The following ABCA9 variants were observed in gnomAD, a reference collection of about 807,000 sequenced individuals.
The protein encoded by ABCA9 is ATP-binding cassette sub-family A member 9.
In ABCA9, 183 loss-of-function variants were observed where a neutral mutation model predicts 205.3. The ratio of observed to expected loss-of-function variants is 0.89; its 90% CI spans 0.79 to 1.01. The LOEUF (loss-of-function observed/expected upper bound fraction) is 1.01. ABCA9 is among the 50% of genes least tolerant of loss of function. ABCA9 has a pLI of 0.00. For missense variants in ABCA9, 1,805 were observed against 1,912.4 expected, an observed-to-expected ratio of 0.94 and a Z score of 1.05; for synonymous variants, 651 against 683.3, an observed-to-expected ratio of 0.95 and a Z score of 0.74.
At chr17:69,044,876 G>A (rs1053976518) in intron 4 of ABCA9, among the ~76,000 whole-genome samples, 2 of 152,170 alleles carry the variant, frequency 1.3e-5, no homozygotes, top group East Asian at 1.9e-4. Context: ...TGTTGCTTAC[G>A]TCAAGAAAGC....
the ABCA9 span, chr17:69,078,860 C>T: frequency 4.9e-6 from 3 of 614,932 alleles, no homozygotes; most frequent in Non-Finnish European, 7.7e-6. Flanking sequence ...ACTAAATTTA[C>T]AAAATATACC....
intron 23 of ABCA9, 65 bp from the exon 24 acceptor site, chr17:69,008,300 A>T (rs2070234418): frequency 4.1e-6 from 6 of 1,449,974 alleles, no homozygotes. Context: ...AATTGCAAAT[A>T]TACAGTCATG....
At chr17:69,017,992 CATTTCATTATA>C in intron 20 of ABCA9, 1 of 507,680 alleles carries the variant, frequency 2.0e-6, no homozygotes, top group Non-Finnish European at 3.4e-6. Flanking sequence ...AGAGCCTAGG[CATTTCATTATA>C]ATTTCTATTA....
chr17:69,046,383 C>T (rs1466762938), intron 3 of ABCA9, among the ~76,000 whole-genome samples: 3 of 152,166 alleles, frequency 2.0e-5, no homozygotes, highest in Non-Finnish European at 2.9e-5. Flanking sequence ...CTTAACCAGA[C>T]TCAGGTCTAA....
intron 32 of ABCA9, 102 bp downstream of exon 32, chr17:68,986,062 G>C: frequency 4.9e-6 from 6 of 1,223,126 alleles, no homozygotes; most frequent in Non-Finnish European, 6.7e-6. Flanking sequence ...TCTCCCACAA[G>C]CATGGGGTCA....
intron 3 of ABCA9, among the ~76,000 whole-genome samples, chr17:69,046,891 A>C (rs977440603): frequency 1.9e-5 from 2 of 106,270 alleles, no homozygotes; most frequent in African/African-American, 1.1e-4. Flanking sequence ...ATATATATAT[A>C]TATATATATA....
intron 6 of ABCA9, chr17:69,042,225 C>T (rs982456622): frequency 6.6e-6 from 1 of 152,208 alleles, no homozygotes; most frequent in African/African-American, 2.4e-5. Context: ...CATCAACTGA[C>T]ACTTAATATT....
the ABCA9 span, among the ~76,000 whole-genome samples, chr17:69,068,211 A>G: frequency 6.6e-6 from 1 of 152,216 alleles, no homozygotes; most frequent in Non-Finnish European, 1.5e-5. Context: ...ATTGTTTCCA[A>G]TATACAATCA....
At chr17:69,058,868 G>A (rs1232619383) in intron 1 of ABCA9, among the ~76,000 whole-genome samples, 1 of 151,858 alleles carries the variant, frequency 6.6e-6, no homozygotes, top group African/African-American at 2.4e-5. Context: ...CTGAGACTGA[G>A]TAATTCATAA....
At chr17:69,000,445 G>C (rs902410194) in intron 25 of ABCA9, among the ~76,000 whole-genome samples, 19 of 152,104 alleles carry the variant, frequency 1.2e-4, no homozygotes, top group African/African-American at 4.6e-4. Flanking sequence ...ATAGATAAGC[G>C]GCGTTATTTC....
chr17:69,035,784 A>G lies in ABCA9; in HGVS notation c.818T>C (p.Met273Thr), dbSNP rs368599340. 8.2e-5 allele frequency: 133 copies of G among 1,612,584 alleles called. 1 individual carries two copies. The highest frequency in any genetic ancestry group is 4.7e-4 in the South Asian group (43 of 90,894). ...CATGATAAGGATGAAGCCAGCATAC[A>G]TCAAACCCCAGGAAAGCCTAGCAGA... Reference protein sequence around the residue: ...ESAFWLSWGLMYAGFILIMAT... With the variant: ...ESAFWLSWGLTYAGFILIMAT... The change falls in exon 7 of 39, where the codon ATG becomes ACG. Residue 273 changes from methionine to threonine, a missense_variant. Met to Thr is a moderately conservative substitution (Grantham distance 81). Transcript: ENST00000340001.
rs1414973140 is a variant in ABCA9, at chr17:69,002,373, T to G, written c.3435+5386A>C. ...CTTTATTTCTGCCTTCATTTCGTTA[T>G]GTACCCAGTAGTCATTCAGGAGCAG... On this transcript the variant is annotated intron_variant, in intron 25 of 38. Coordinates refer to ENST00000340001, the MANE Select transcript of ABCA9 (RefSeq NM_080283.4). 9.5e-4 allele frequency among the ~76,000 whole-genome samples: 116 copies of G among 122,430 alleles called. 1 individual carries two copies. The highest frequency in any genetic ancestry group is 1.3e-4 in the Non-Finnish European group (8 of 59,440). The allele number at this position is 122,430 out of a possible 152,430, so 80.3% of individuals were successfully genotyped here. A position where few individuals can be genotyped will look rare whatever the true frequency, so the allele number is the denominator to read the frequency against.
At chr17:69,014,473 AC>A (rs1429606242) in intron 22 of ABCA9, among the ~76,000 whole-genome samples, 1 of 152,162 alleles carries the variant, frequency 6.6e-6, no homozygotes, top group African/African-American at 2.4e-5. Flanking sequence ...CTGGTCCCAA[AC>A]GTTTCAGATA....
At chr17:69,016,411 A>G (rs774486456) in intron 21 of ABCA9, 21 bp from the exon 22 acceptor site, 2 of 1,555,126 alleles carry the variant, frequency 1.3e-6, no homozygotes, top group South Asian at 2.5e-5. Context: ...ACAAGTACCA[A>G]TTCGAAGTCT....
At chr17:69,020,123 C>T (rs771174014) in intron 19 of ABCA9, 22 of 350,640 alleles carry the variant, frequency 6.3e-5, no homozygotes, top group Non-Finnish European at 8.8e-5. Flanking sequence ...CTAATATCCA[C>T]GTGCTTTTGA....
At chr17:68,992,480 G>A (rs535943364) in intron 27 of ABCA9, 13 of 380,466 alleles carry the variant, frequency 3.4e-5, no homozygotes, top group Admixed American at 1.3e-4. Context: ...ATAGTAGCAA[G>A]TGAAACCAGT....
chr17:69,017,370 GATTTA>G (rs773596197), intron 21 of ABCA9, among the ~76,000 whole-genome samples: 13 of 152,046 alleles, frequency 8.6e-5, no homozygotes, highest in Non-Finnish European at 1.3e-4. Context: ...CTGAGAATGA[GATTTA>G]ATTTAATTAT....
chr17:69,016,102 GTATA>G (rs369501172), intron 22 of ABCA9, 147 bp downstream of exon 22: 20,529 of 261,150 alleles, frequency 0.079, 1,295 homozygotes, highest in African/African-American at 0.23. Context: ...ATGTGTGTGT[GTATA>G]TATATATATA....
Position 69,032,358 on chromosome 17 carries a change from C to T in ABCA9, c.1277-82G>A. ...CAGCATATCAGTGCAGCCCCTTTGA[C>T]ATTAAACCTGAACCCACATTATCAT... On this transcript the variant is annotated intron_variant, in intron 9 of 38. Transcript: ENST00000340001. The T allele has an allele frequency of 2.3e-6, 3 of 1,314,914 alleles. No homozygotes were observed. In the South Asian group the frequency reaches 4.3e-5, roughly 19 times the overall value. 81.5% of individuals were successfully genotyped at this position (1,314,914 alleles called of 1,614,324 possible). A position where few individuals can be genotyped will look rare whatever the true frequency, so the allele number is the denominator to read the frequency against.
Sources: gnomAD v4.1 joint callset for allele counts (sites outside exome capture counted in the v4.1 genomes callset) on GRCh38, gnomAD v4.1.1 for gene constraint, MANE v1.5 for transcripts, NCBI Gene and HGNC (gene_info 2026-07-23, HGNC 2026-07-21) for gene names.